NFIB: variants seen among roughly 807,000 people sequenced by gnomAD.
The protein encoded by NFIB is nuclear factor 1 B-type.
In NFIB, 11 loss-of-function variants were observed where a neutral mutation model predicts 61.5. That is an observed-to-expected ratio of 0.18 (90% CI 0.11 to 0.30). NFIB has a LOEUF of 0.30. Among genes scored for constraint, NFIB ranks in the 10% least tolerant of loss-of-function variants. The pLI is 1.00. For synonymous variants in NFIB, 260 were observed against 216.5 expected (o/e 1.20, Z -1.76); for missense variants, 471 against 608.9 (o/e 0.77, Z 2.38).
At chr9:14,415,344 T>A in the NFIB span, among the ~76,000 whole-genome samples, 1 of 152,176 alleles carries the variant, frequency 6.6e-6, no homozygotes, top group Non-Finnish European at 1.5e-5. Flanking sequence ...AAGTCTTGTA[T>A]ACGAGGCATA....
At chr9:14,449,341 T>C in the NFIB span, among the ~76,000 whole-genome samples, 26 of 152,298 alleles carry the variant, frequency 1.7e-4, no homozygotes, top group Middle Eastern at 3.4e-3. Flanking sequence ...CTGATGCCTA[T>C]GCACCACTCC....
chr9:14,392,283 T>C (rs77204376), intron 1 of NFIB, among the ~76,000 whole-genome samples: 3 of 152,346 alleles, frequency 2.0e-5, no homozygotes, highest in East Asian at 1.9e-4. Flanking sequence ...CTTCAGGTGA[T>C]CATTGTCTAT....
At chr9:14,368,666 T>C (rs1340798840) in intron 1 of NFIB, among the ~76,000 whole-genome samples, 1 of 152,210 alleles carries the variant, frequency 6.6e-6, no homozygotes, top group Non-Finnish European at 1.5e-5. Context: ...TCAGTTTTGA[T>C]TATCTTCATG....
At chr9:14,148,506 T>C (rs556983497) in intron 5 of NFIB, among the ~76,000 whole-genome samples, 1 of 152,260 alleles carries the variant, frequency 6.6e-6, no homozygotes, top group Admixed American at 6.5e-5. Context: ...TTCGCAGCAA[T>C]AATAACCATA....
Position 14,313,667 on chromosome 9 carries a change from G to C in NFIB, c.-156C>G. On this transcript the variant is annotated 5_prime_UTR_variant, in exon 1 of 11. Coordinates refer to ENST00000380953, the MANE Select transcript of NFIB (RefSeq NM_001190737.2). This position sits in a 1 kb window ranked among gnomAD's most constrained non-coding sequence, Gnocchi z 4.5. ...TCACCGCAACTTCACAACAAACCCA[G>C]TCCTCCTTAAATAGCCAAAGATTCA... 6.7e-7 allele frequency: 1 copy of C among 1,482,632 alleles called. No individual in the cohort carries two copies. Among genetic ancestry groups the C allele is most frequent in the Non-Finnish European group, 9.0e-7 (1 of 1,116,498 alleles). 91.8% of individuals were successfully genotyped at this position (1,482,632 alleles called of 1,614,324 possible).
At chr9:14,464,006 G>A in the NFIB span, among the ~76,000 whole-genome samples, 3 of 152,158 alleles carry the variant, frequency 2.0e-5, no homozygotes, top group Non-Finnish European at 2.9e-5. Context: ...GTCTGAGGCT[G>A]CTTGTAACAT....
chr9:14,436,392 G>C, the NFIB span, among the ~76,000 whole-genome samples: 1 of 152,202 alleles, frequency 6.6e-6, no homozygotes, highest in Non-Finnish European at 1.5e-5. Context: ...CATGACTGGG[G>C]AGCAAAACCC....
intron 2 of NFIB, among the ~76,000 whole-genome samples, chr9:14,267,426 G>C (rs7860656): frequency 0.82 from 125,344 of 152,066 alleles, 53,506 homozygotes; most frequent in Non-Finnish European, 0.95. Context: ...ATGGCTCAAA[G>C]GGCCTTTTAA....
chr9:14,411,035 A>G, the NFIB span, among the ~76,000 whole-genome samples: 1 of 152,224 alleles, frequency 6.6e-6, no homozygotes, highest in East Asian at 1.9e-4. Flanking sequence ...GATGCTTTAA[A>G]AAAATCTCAA....
upstream of NFIB, among the ~76,000 whole-genome samples, chr9:14,315,471 G>A (rs1284906289): frequency 6.8e-6 from 1 of 147,882 alleles, no homozygotes; most frequent in East Asian, 2.0e-4. Context: ...GGGGCCCGGG[G>A]CGCCGGCGGA....
At chr9:14,490,036 G>A in the NFIB span, among the ~76,000 whole-genome samples, 1 of 152,094 alleles carries the variant, frequency 6.6e-6, no homozygotes, top group Non-Finnish European at 1.5e-5. Context: ...GCACCTATAG[G>A]CTAAATTCCT....
the NFIB span, among the ~76,000 whole-genome samples, chr9:14,469,709 A>G: frequency 6.6e-6 from 1 of 152,134 alleles, no homozygotes; most frequent in Non-Finnish European, 1.5e-5. Flanking sequence ...TTAAATGACA[A>G]GAACATAATA....
At chr9:14,117,415 T>C (rs1326853595) in intron 8 of NFIB, among the ~76,000 whole-genome samples, 1 of 152,182 alleles carries the variant, frequency 6.6e-6, no homozygotes, top group Non-Finnish European at 1.5e-5. Flanking sequence ...AATTCTCCAC[T>C]GCACGGTGTT....
At chr9:14,179,623 A>C (rs1563870549) in intron 3 of NFIB, 104 bp downstream of exon 3, 1 of 1,256,372 alleles carries the variant, frequency 8.0e-7, no homozygotes, top group Non-Finnish European at 1.1e-6. Context: ...CCTGCCTGCC[A>C]GAACAAAATA....
Position 14,146,757 on chromosome 9 carries a change from G to A in NFIB, c.857C>T (p.Thr286Ile). 3 of 1,607,112 alleles carry A rather than the reference G, an allele frequency of 1.9e-6. No homozygotes were observed. The highest frequency in any genetic ancestry group is 2.5e-6 in the Non-Finnish European group (3 of 1,178,308). ...ACTTGGAGAGGGGTAAAAGTCTCCT[G>A]TAGGACTTGGTTCCATATTTTCATC... ...SIDENMEPSPTGDFYPSPSSP... is the reference protein window; with the variant it reads ...SIDENMEPSPIGDFYPSPSSP... The change falls in exon 6 of 11, where the codon ACA (threonine) becomes ATA (isoleucine). Residue 286 changes from threonine to isoleucine, a missense_variant. Around this residue, in one of 2 missense-constraint regions of NFIB, gnomAD observed 372 missense variants for 395.6 expected, o/e 0.94. Coordinates refer to ENST00000380953, the MANE Select transcript of NFIB (RefSeq NM_001190737.2).
At chr9:14,466,431 G>A in the NFIB span, among the ~76,000 whole-genome samples, 3 of 151,972 alleles carry the variant, frequency 2.0e-5, no homozygotes, top group Non-Finnish European at 4.4e-5. Flanking sequence ...CTAGGAACAC[G>A]GCACTCTGGA....
In NFIB at chr9:14,088,150, T is replaced by A. The variant is rs944079895; in HGVS notation, c.*159A>T. The A allele has an allele frequency of 2.6e-5, 36 of 1,409,572 alleles. No individual in the cohort carries two copies. The highest frequency in any genetic ancestry group is 2.3e-4 in the Middle Eastern group (1 of 4,392). The allele number at this position is 1,409,572 out of a possible 1,614,324, so 87.3% of individuals were successfully genotyped here. ...CAGTCTTCCTCTTTTCCTTTTTTTT[T>A]ATTTAAAAAAAAAATTTCTTAAACT... is the stretch of plus-strand genomic sequence containing the variant. On this transcript the variant is annotated 3_prime_UTR_variant, in exon 11 of 11. Transcript: ENST00000380953.
chr9:14,183,398 A>G (rs1018345867), intron 2 of NFIB, among the ~76,000 whole-genome samples: 2 of 149,314 alleles, frequency 1.3e-5, no homozygotes, highest in East Asian at 3.9e-4. Context: ...GGTGTCTGGG[A>G]AAAAAAATTT....
the NFIB span, among the ~76,000 whole-genome samples, chr9:14,475,962 T>C: frequency 6.6e-6 from 1 of 152,248 alleles, no homozygotes; most frequent in Middle Eastern, 3.4e-3. Context: ...CCAAAGGACC[T>C]GGACCATAAA....
Sources: allele counts gnomAD v4.1 joint callset (sites outside exome capture counted in the v4.1 genomes callset), GRCh38; gene constraint gnomAD v4.1.1; regional missense constraint gnomAD v4.1.1; non-coding constraint Gnocchi (gnomAD v3.1); transcripts MANE v1.5; gene names NCBI Gene and HGNC (gene_info 2026-07-23, HGNC 2026-07-21).